ESRRB: variants seen among roughly 807,000 people sequenced by gnomAD.
ESRRB encodes steroid hormone receptor ERR2.
A neutral mutation model predicts 46.0 loss-of-function variants in ESRRB; 16 were observed. The observed-to-expected ratio is 0.35, with a 90% CI of 0.24 to 0.53. ESRRB has a LOEUF of 0.53. Among genes scored for constraint, ESRRB ranks in the 20% least tolerant of loss-of-function variants. The probability of loss-of-function intolerance (pLI) is 0.93; values close to 1 mark genes in which losing one functional copy is unlikely to be tolerated. For synonymous variants in ESRRB, 246 were observed against 259.6 expected, an observed-to-expected ratio of 0.95 and a Z score of 0.50; for missense variants, 488 against 607.4, an observed-to-expected ratio of 0.80 and a Z score of 2.07.
At chr14:76,389,233 G>A (rs1031833401) in intron 1 of ESRRB, among the ~76,000 whole-genome samples, 2 of 152,170 alleles carry the variant, frequency 1.3e-5, no homozygotes, top group African/African-American at 4.8e-5. Context: ...ATCCCCCTCT[G>A]TGTGGAGGCA....
At chr14:76,357,238 G>A (rs767001287) in intron 1 of ESRRB, among the ~76,000 whole-genome samples, 4 of 152,214 alleles carry the variant, frequency 2.6e-5, no homozygotes, top group Non-Finnish European at 5.9e-5. Context: ...GCTCAGAAAT[G>A]CACAAAAGTA....
intron 1 of ESRRB, among the ~76,000 whole-genome samples, chr14:76,325,310 C>T (rs992375370): frequency 1.3e-5 from 2 of 152,056 alleles, no homozygotes; most frequent in African/African-American, 4.8e-5. Context: ...GGGAAAAATA[C>T]GGAAGATAAA....
chr14:76,411,358 G>A (rs1886432634), intron 1 of ESRRB, among the ~76,000 whole-genome samples: 1 of 152,048 alleles, frequency 6.6e-6, no homozygotes. Flanking sequence ...CGAGGCAGGA[G>A]AATCACTTGA....
At chr14:76,450,656 G>C (rs1200239689) in intron 2 of ESRRB, among the ~76,000 whole-genome samples, 2 of 152,134 alleles carry the variant, frequency 1.3e-5, no homozygotes, top group Non-Finnish European at 2.9e-5. Context: ...GAGGGGAAGG[G>C]GGATGATTGA....
chr14:76,405,350 A>T (rs1238907035), intron 1 of ESRRB, among the ~76,000 whole-genome samples: 5 of 151,940 alleles, frequency 3.3e-5, no homozygotes, highest in African/African-American at 4.8e-5. Context: ...GCCCTCTAGC[A>T]ATACGCCTGC....
chr14:76,387,566 C>G (rs1041768078), intron 1 of ESRRB, among the ~76,000 whole-genome samples: 3 of 152,188 alleles, frequency 2.0e-5, no homozygotes, highest in African/African-American at 7.2e-5. Flanking sequence ...GGTATTCCTC[C>G]CAAGCCCCAC....
Position 76,483,318 on chromosome 14 carries a change from G to A in ESRRB, c.850+559G>A, listed in dbSNP as rs117093403. Among the ~76,000 whole-genome samples the A allele has an allele frequency of 7.2e-5, 11 of 152,356 alleles. No individual in the cohort carries two copies. In the East Asian group the frequency reaches 2.1e-3, roughly 29 times the overall value. ...ACTTTGTGAGCTTTGATGTGAGCAT[G>A]AAATGAGATCCTGTGTGTGAAGTGT... is the stretch of plus-strand genomic sequence containing the variant. On this transcript the variant is annotated intron_variant, in intron 5 of 6. Coordinates refer to ENST00000644823, the MANE Select transcript of ESRRB (RefSeq NM_001379180.1).
intron 1 of ESRRB, among the ~76,000 whole-genome samples, chr14:76,343,711 C>G (rs1421791580): frequency 6.6e-6 from 1 of 152,252 alleles, no homozygotes. Context: ...ATGTTCCAAG[C>G]TGCATGGCTT....
intron 1 of ESRRB, among the ~76,000 whole-genome samples, chr14:76,365,032 G>A (rs1022486882): frequency 6.6e-6 from 1 of 152,042 alleles, no homozygotes; most frequent in Non-Finnish European, 1.5e-5. Flanking sequence ...ATTGAAATTT[G>A]TTATGTATGA....
intron 2 of ESRRB, among the ~76,000 whole-genome samples, chr14:76,449,746 C>T (rs918781218): frequency 1.4e-5 from 2 of 147,418 alleles, no homozygotes; most frequent in African/African-American, 5.1e-5. Context: ...GCAATTTTCT[C>T]TCTTTTTTTC....
At chr14:76,420,172 G>A (rs1886880483) in intron 1 of ESRRB, among the ~76,000 whole-genome samples, 1 of 152,138 alleles carries the variant, frequency 6.6e-6, no homozygotes, top group South Asian at 2.1e-4. Flanking sequence ...CATGACTAGC[G>A]GGCAGCTTCC....
chr14:76,438,532 C>T (rs920298573), intron 1 of ESRRB, among the ~76,000 whole-genome samples: 2 of 152,000 alleles, frequency 1.3e-5, no homozygotes, highest in Non-Finnish European at 2.9e-5. Context: ...TGCATGACGG[C>T]GGGTGCCTGT....
rs530508625 is a variant in ESRRB, at chr14:76,498,619, C to T, written c.*161C>T. The stretch of plus-strand genomic sequence containing the variant: ...CACCTCCTGGCTGTGTGCAGACTCC[C>T]GGGTGCAGTGGGGTGGGGGACGGGG... On this transcript the variant is annotated 3_prime_UTR_variant, in exon 7 of 7. Transcript: ENST00000644823. 354 of 647,634 alleles carry T rather than the reference C, an allele frequency of 5.5e-4. 1 individual carries two copies. The highest frequency in any genetic ancestry group is 4.7e-3 in the South Asian group (295 of 62,246). The allele number at this position is 647,634 out of a possible 1,614,324, so 40.1% of individuals were successfully genotyped here. A position where few individuals can be genotyped will look rare whatever the true frequency, so the allele number is the denominator to read the frequency against.
chr14:76,382,126 A>G (rs1885039268), intron 1 of ESRRB, among the ~76,000 whole-genome samples: 1 of 152,198 alleles, frequency 6.6e-6, no homozygotes, highest in African/African-American at 2.4e-5. Flanking sequence ...GTCCACCCCA[A>G]GAGAGTTTCC....
At chr14:76,417,361 G>A (rs531810029) in intron 1 of ESRRB, among the ~76,000 whole-genome samples, 1 of 152,254 alleles carries the variant, frequency 6.6e-6, no homozygotes, top group African/African-American at 2.4e-5. Flanking sequence ...TGGAATGTGG[G>A]AAGGTGGGAT....
intron 1 of ESRRB, among the ~76,000 whole-genome samples, chr14:76,320,458 C>G (rs369728995): frequency 6.6e-6 from 1 of 152,224 alleles, no homozygotes; most frequent in South Asian, 2.1e-4. Context: ...CCTGTGCCCC[C>G]CTGGGCAGTG....
At position 76,482,475 on chromosome 14, in the gene ESRRB, T is replaced by C. The variant is rs1889846303; in HGVS notation, c.689-123T>C. Reference sequence around the variant, plus strand: ...GGAGCCAGAACAGGAGGGGAGATTATAGCCGCTTTGACCTTCCTGGAGCTC... The same window carrying C: ...GGAGCCAGAACAGGAGGGGAGATTACAGCCGCTTTGACCTTCCTGGAGCTC... On this transcript the variant is annotated intron_variant, in intron 4 of 6. Transcript: ENST00000644823. The surrounding 1 kb of genome is among the most constrained non-coding windows in gnomAD (Gnocchi z 4.3). 1.1e-6 allele frequency: 1 copy of C among 934,720 alleles called. No homozygotes were observed. The highest frequency in any genetic ancestry group is 2.5e-5 in the East Asian group (1 of 39,818). The allele number at this position is 934,720 out of a possible 1,614,324, so 57.9% of individuals were successfully genotyped here. A position where few individuals can be genotyped will look rare whatever the true frequency, so the allele number is the denominator to read the frequency against.
At chr14:76,327,532 C>G (rs1252095609) in intron 1 of ESRRB, among the ~76,000 whole-genome samples, 1 of 152,076 alleles carries the variant, frequency 6.6e-6, no homozygotes, top group Non-Finnish European at 1.5e-5. Context: ...AGGCACTGCG[C>G]TCTCTCCTGT....
At chr14:76,398,557 G>A (rs1209421693) in intron 1 of ESRRB, among the ~76,000 whole-genome samples, 1 of 152,096 alleles carries the variant, frequency 6.6e-6, no homozygotes, top group Non-Finnish European at 1.5e-5. Context: ...GCCCTTTCTT[G>A]GCAGGGTGCA....
Sources: gnomAD v4.1 joint callset for allele counts (sites outside exome capture counted in the v4.1 genomes callset) on GRCh38, gnomAD v4.1.1 for gene constraint, Gnocchi (gnomAD v3.1) non-coding constraint, MANE v1.5 for transcripts, NCBI Gene and HGNC (gene_info 2026-07-23, HGNC 2026-07-21) for gene names.